Variants in ADGRL2 observed in about 807,000 individuals in gnomAD.
ADGRL2 encodes the protein calcium-independent alpha-latrotoxin receptor 2.
A neutral mutation model predicts 157.4 loss-of-function variants in ADGRL2; 44 were observed. That is an observed-to-expected ratio of 0.28 (90% CI 0.22 to 0.36). The LOEUF (loss-of-function observed/expected upper bound fraction) is 0.36, where lower values mean the gene tolerates loss of function less well. Among genes scored for constraint, ADGRL2 ranks in the 10% least tolerant of loss-of-function variants. The pLI, the probability that ADGRL2 is intolerant of heterozygous loss-of-function variation, is 1.00. For missense variants in ADGRL2, 1,510 were observed against 1,768.9 expected (o/e 0.85, Z 2.63); for synonymous variants, 585 against 624.7 (o/e 0.94, Z 0.95).
At chr1:81,673,674 C>T (rs935174380) in intron 3 of ADGRL2, among the ~76,000 whole-genome samples, 1 of 152,116 alleles carries the variant, frequency 6.6e-6, no homozygotes, top group South Asian at 2.1e-4. Context: ...ACCACCACGC[C>T]CAGCTAATTT....
chr1:81,920,148 G>A (rs1303712955), intron 3 of ADGRL2, among the ~76,000 whole-genome samples: 1 of 152,120 alleles, frequency 6.6e-6, no homozygotes, highest in Non-Finnish European at 1.5e-5. Flanking sequence ...TGCTGTAGCT[G>A]TGGAATTAAT....
chr1:81,603,965 CTT>C (rs35950804), intron 3 of ADGRL2, among the ~76,000 whole-genome samples: 103 of 131,878 alleles, frequency 7.8e-4, no homozygotes, highest in Admixed American at 9.1e-4. Flanking sequence ...ATATCTTTTT[CTT>C]TTTTTTTTTT....
At chr1:81,374,725 C>T (rs2101009319) in intron 1 of ADGRL2, among the ~76,000 whole-genome samples, 1 of 152,300 alleles carries the variant, frequency 6.6e-6, no homozygotes, top group African/African-American at 2.4e-5. Flanking sequence ...CTCTGGCATG[C>T]ATATCCACTC....
chr1:81,603,965 CT>C (rs35950804), intron 3 of ADGRL2, among the ~76,000 whole-genome samples: 57,320 of 131,604 alleles, frequency 0.44, 10,837 homozygotes, highest in Non-Finnish European at 0.5. Flanking sequence ...ATATCTTTTT[CT>C]TTTTTTTTTT....
intron 2 of ADGRL2, among the ~76,000 whole-genome samples, chr1:81,504,498 TA>T (rs1371922720): frequency 6.6e-6 from 1 of 152,000 alleles, no homozygotes; most frequent in Non-Finnish European, 1.5e-5. Context: ...CTTTTTTTTT[TA>T]TTTTAAAATT....
At chr1:81,465,053 C>T (rs2078024635) in intron 2 of ADGRL2, among the ~76,000 whole-genome samples, 1 of 151,918 alleles carries the variant, frequency 6.6e-6, no homozygotes, top group Admixed American at 6.6e-5. Context: ...TGGCATTGTC[C>T]AAGTGATACT....
At chr1:81,312,783 T>A (rs1659846892) in intron 1 of ADGRL2, among the ~76,000 whole-genome samples, 1 of 152,168 alleles carries the variant, frequency 6.6e-6, no homozygotes, top group South Asian at 2.1e-4. Flanking sequence ...TATTTCTAAT[T>A]GATGAGAGGG....
At chr1:81,770,054 C>G (rs2086291725) in intron 2 of ADGRL2, among the ~76,000 whole-genome samples, 2 of 150,354 alleles carry the variant, frequency 1.3e-5, no homozygotes, top group Admixed American at 1.3e-4. Flanking sequence ...GGTTTCACAC[C>G]ATGTTGGCCA....
At chr1:81,426,186 A>G (rs540138286) in intron 1 of ADGRL2, among the ~76,000 whole-genome samples, 16 of 152,302 alleles carry the variant, frequency 1.1e-4, no homozygotes, top group African/African-American at 3.6e-4. Context: ...GTTTGACCTA[A>G]TGATAAACTG....
chr1:81,585,616 T>C (rs2081010281), intron 3 of ADGRL2, among the ~76,000 whole-genome samples: 1 of 152,098 alleles, frequency 6.6e-6, no homozygotes, highest in Non-Finnish European at 1.5e-5. Flanking sequence ...CATTATTTTG[T>C]TTAACTTGAT....
intron 17 of ADGRL2, among the ~76,000 whole-genome samples, chr1:81,977,625 T>G (rs1660544986): frequency 1.3e-5 from 2 of 151,824 alleles, no homozygotes; most frequent in Non-Finnish European, 2.9e-5. Flanking sequence ...TTTTTCCACA[T>G]TCACATTTTT....
intron 1 of ADGRL2, among the ~76,000 whole-genome samples, chr1:81,412,673 A>T (rs4233109): frequency 0.38 from 58,134 of 152,120 alleles, 11,205 homozygotes; most frequent in East Asian, 0.49. Context: ...GATTTACAAG[A>T]GGATGAAAGA....
chr1:81,767,848 C>T (rs1479597095), intron 2 of ADGRL2, among the ~76,000 whole-genome samples: 13 of 126,450 alleles, frequency 1.0e-4, no homozygotes, highest in Middle Eastern at 8.1e-3. Flanking sequence ...AAGTGAGATC[C>T]TGTCTCAAAA....
At chr1:81,475,119 G>T (rs12040201) in intron 2 of ADGRL2, among the ~76,000 whole-genome samples, 1 of 152,006 alleles carries the variant, frequency 6.6e-6, no homozygotes, top group Admixed American at 6.6e-5. Flanking sequence ...ATCAATTGTT[G>T]CACCTCAAAA....
chr1:81,572,948 A>T (rs2080725525), intron 2 of ADGRL2, among the ~76,000 whole-genome samples: 1 of 151,164 alleles, frequency 6.6e-6, no homozygotes, highest in Non-Finnish European at 1.5e-5. Context: ...ACGTAGTTTG[A>T]CAAATACTAC....
At chr1:81,942,826 A>G (rs1445719106) in intron 5 of ADGRL2, 143 bp from the exon 6 acceptor site, 2 of 709,342 alleles carry the variant, frequency 2.8e-6, no homozygotes, top group East Asian at 2.6e-5. Flanking sequence ...AAAGAAGGGT[A>G]GTATTTGTAT....
At chr1:81,651,964 C>T (rs1241054462) in intron 3 of ADGRL2, among the ~76,000 whole-genome samples, 1 of 152,124 alleles carries the variant, frequency 6.6e-6, no homozygotes, top group African/African-American at 2.4e-5. Context: ...ACCTCGGCCT[C>T]CCAAAGTGTG....
At chr1:81,508,628 G>A (rs1319718234) in intron 2 of ADGRL2, among the ~76,000 whole-genome samples, 3 of 152,192 alleles carry the variant, frequency 2.0e-5, no homozygotes, top group Non-Finnish European at 4.4e-5. Flanking sequence ...TGACAGCACT[G>A]CATGAAAGCA....
intron 3 of ADGRL2, among the ~76,000 whole-genome samples, chr1:81,588,782 CT>C (rs1385099859): frequency 3.3e-5 from 5 of 152,194 alleles, no homozygotes; most frequent in African/African-American, 1.2e-4. Context: ...AGCAGCATTT[CT>C]GACTCCTCCT....
Sources: allele counts gnomAD v4.1 joint callset (sites outside exome capture counted in the v4.1 genomes callset), GRCh38; gene constraint gnomAD v4.1.1; transcripts MANE v1.5; gene names NCBI Gene and HGNC (gene_info 2026-07-23, HGNC 2026-07-21).